RASAL2: variants seen among roughly 807,000 people sequenced by gnomAD.
RASAL2 encodes RAS protein activator like 2, also known as ras GTPase-activating protein nGAP.
A neutral mutation model predicts 128.9 loss-of-function variants in RASAL2; 58 were observed. The observed-to-expected ratio is 0.45, with a 90% CI of 0.36 to 0.56. RASAL2 has a LOEUF of 0.56. RASAL2 is among the 20% of genes least tolerant of loss of function. The pLI, the probability that RASAL2 is intolerant of heterozygous loss-of-function variation, is 0.00. For synonymous variants in RASAL2, 561 were observed against 580.8 expected (o/e 0.97, Z 0.49); for missense variants, 1,360 against 1,601.6 (o/e 0.85, Z 2.57).
At chr1:178,341,913 G>T (rs1363035175) in intron 3 of RASAL2, among the ~76,000 whole-genome samples, 1 of 152,068 alleles carries the variant, frequency 6.6e-6, no homozygotes, top group Non-Finnish European at 1.5e-5. Context: ...TATGAAATGG[G>T]TCCTTATTCT....
intron 1 of RASAL2, among the ~76,000 whole-genome samples, chr1:178,163,071 G>A (rs1016359657): frequency 6.6e-6 from 1 of 151,856 alleles, no homozygotes; most frequent in African/African-American, 2.4e-5. Flanking sequence ...CCTGGTTTCA[G>A]GCAATTCTCC....
At chr1:178,222,222 A>T (rs1663639711) in intron 1 of RASAL2, among the ~76,000 whole-genome samples, 1 of 152,124 alleles carries the variant, frequency 6.6e-6, no homozygotes, top group African/African-American at 2.4e-5. Flanking sequence ...GATTTAGATT[A>T]TCGATGTGTA....
intron 1 of RASAL2, among the ~76,000 whole-genome samples, chr1:178,249,234 G>T (rs186038082): frequency 7.0e-4 from 106 of 151,822 alleles, no homozygotes; most frequent in Non-Finnish European, 2.8e-4. Context: ...GGCTTTGTTC[G>T]TTCCTTTTCA....
chr1:178,456,697 T>G (rs1558005031), intron 12 of RASAL2, 24 bp from the exon 13 acceptor site: 4 of 1,613,248 alleles, frequency 2.5e-6, no homozygotes, highest in Non-Finnish European at 3.4e-6. Context: ...ATTATCCAAT[T>G]AGGGTGAAAA....
At chr1:178,364,929 G>A (rs1671321278) in intron 3 of RASAL2, among the ~76,000 whole-genome samples, 1 of 151,904 alleles carries the variant, frequency 6.6e-6, no homozygotes, top group East Asian at 1.9e-4. Context: ...TAGAAGAATA[G>A]CTTTAGTATT....
Position 178,418,705 on chromosome 1 carries a change from T to C in RASAL2, c.565-1806T>C, listed in dbSNP as rs74512674. ...TAAAACACTGTGGCAGTCTATACTG[T>C]TGTTCACCAAATATTTTCAGTTCCC... On this transcript the variant is annotated intron_variant, in intron 4 of 17. Transcript: ENST00000367649. Among the ~76,000 whole-genome samples the C allele has an allele frequency of 1.8e-3, 274 of 152,350 alleles. 3 individuals are homozygous for C. The highest frequency in any genetic ancestry group is 8.7e-3 in the East Asian group (45 of 5,186).
At position 178,457,976 on chromosome 1, in the gene RASAL2, G is replaced by A. The variant is rs780161922; in HGVS notation, c.2684G>A (p.Ser895Asn). ...ATCAAACAGCTGCGGGAAACCCAGA[G>A]CACTCCCCAAAGTGCACCCCAAGTG... ...ASIKQLRETQ[S>N]TPQSAPQVRR... Residue 895 changes from serine (S) to asparagine (N), a missense_variant, in exon 14 of 18, where the codon AGC becomes AAC. By Grantham distance (46) the Ser-to-Asn change is conservative. Around this residue, in one of 3 missense-constraint regions of RASAL2, gnomAD observed 741 missense variants for 868.6 expected, o/e 0.85. Transcript: ENST00000367649. 1 of 1,614,038 alleles carries A rather than the reference G, an allele frequency of 6.2e-7. No individual in the cohort carries two copies. Among genetic ancestry groups the A allele is most frequent in the South Asian group, 1.1e-5 (1 of 91,082 alleles).
intron 1 of RASAL2, among the ~76,000 whole-genome samples, chr1:178,159,017 CA>C (rs1661181965): frequency 6.6e-6 from 1 of 152,146 alleles, no homozygotes; most frequent in Non-Finnish European, 1.5e-5. Context: ...GCTCAAAATA[CA>C]GTCTTACAGA....
chr1:178,237,211 T>TCC (rs1664291814), intron 1 of RASAL2, among the ~76,000 whole-genome samples: 1 of 152,060 alleles, frequency 6.6e-6, no homozygotes. Flanking sequence ...AAGTTGTGGG[T>TCC]CCTAGGTCTC....
intron 1 of RASAL2, among the ~76,000 whole-genome samples, chr1:178,257,423 A>ATGTGTGTGTG (rs71108037): frequency 0.041 from 5,980 of 147,166 alleles, 353 homozygotes; most frequent in African/African-American, 0.13. Context: ...GCTCAGGGAT[A>ATGTGTGTGTG]TGTGTGTGTG....
In RASAL2 at chr1:178,094,472, C is replaced by T; in HGVS notation, c.-21C>T. The T allele has an allele frequency of 7.2e-6, 11 of 1,532,930 alleles. No homozygotes were observed. Among genetic ancestry groups the T allele is most frequent in the Non-Finnish European group, 7.9e-6 (9 of 1,139,988 alleles). The allele number at this position is 1,532,930 out of a possible 1,614,324, so 95.0% of individuals were successfully genotyped here. Reference sequence around the variant, plus strand: ...CCCGCCCCGAAGCCGCCGCCTCGTCCCCCTCCCGCCTCGGGGCACCATGGA... The same window carrying T: ...CCCGCCCCGAAGCCGCCGCCTCGTCTCCCTCCCGCCTCGGGGCACCATGGA... On this transcript the variant is annotated 5_prime_UTR_variant, in exon 1 of 18. Transcript: ENST00000367649.
intron 1 of RASAL2, among the ~76,000 whole-genome samples, chr1:178,252,626 G>T (rs1665108313): frequency 6.6e-6 from 1 of 152,128 alleles, no homozygotes; most frequent in Non-Finnish European, 1.5e-5. Flanking sequence ...AAATCATTAA[G>T]ATCAGAATAC....
intron 1 of RASAL2, among the ~76,000 whole-genome samples, chr1:178,243,460 C>G (rs1174622963): frequency 6.6e-6 from 1 of 152,062 alleles, no homozygotes; most frequent in Non-Finnish European, 1.5e-5. Flanking sequence ...TTCTGTTATC[C>G]ACCTGGCTAC....
At chr1:178,299,765 G>C (rs1279387853) in intron 2 of RASAL2, among the ~76,000 whole-genome samples, 1 of 152,126 alleles carries the variant, frequency 6.6e-6, no homozygotes, top group Non-Finnish European at 1.5e-5. Context: ...AAAGTGCTGG[G>C]ATTACAGGCG....
rs919860161 is a variant in RASAL2, at chr1:178,124,300, CA to C, written c.202+29607del. 3.5e-4 allele frequency among the ~76,000 whole-genome samples: 53 copies of C among 152,186 alleles called. 1 individual carries two copies. The highest frequency in any genetic ancestry group is 3.4e-3 in the Admixed American group (52 of 15,278). On this transcript the variant is annotated intron_variant, in intron 1 of 17. Transcript: ENST00000367649. ...TCCAGGGGACATTTGACAAAGTCTG[CA>C]GACATTTTTGGTTGTCACAACTGGA... is the stretch of plus-strand genomic sequence containing the variant.
At chr1:178,219,880 C>T (rs949652737) in intron 1 of RASAL2, among the ~76,000 whole-genome samples, 2 of 152,158 alleles carry the variant, frequency 1.3e-5, no homozygotes, top group African/African-American at 2.4e-5. Flanking sequence ...TAAAATGTGA[C>T]CTCCAATGTT....
At chr1:178,271,211 T>G (rs1172651800) in intron 1 of RASAL2, among the ~76,000 whole-genome samples, 1 of 152,214 alleles carries the variant, frequency 6.6e-6, no homozygotes, top group Non-Finnish European at 1.5e-5. Context: ...TGGTTTAAAT[T>G]AGGTTGGTTC....
chr1:178,140,918 G>T (rs969483477), intron 1 of RASAL2, among the ~76,000 whole-genome samples: 2 of 152,212 alleles, frequency 1.3e-5, no homozygotes, highest in Non-Finnish European at 2.9e-5. Flanking sequence ...TGTAGGCTAT[G>T]CAAGCATGGC....
At chr1:178,200,054 C>T (rs375646773) in intron 1 of RASAL2, among the ~76,000 whole-genome samples, 4 of 152,182 alleles carry the variant, frequency 2.6e-5, no homozygotes, top group African/African-American at 4.8e-5. Context: ...AGCTTGCAGA[C>T]GGCCTATTAT....
Sources: allele counts gnomAD v4.1 joint callset (sites outside exome capture counted in the v4.1 genomes callset), GRCh38; gene constraint gnomAD v4.1.1; regional missense constraint gnomAD v4.1.1; transcripts MANE v1.5; gene names NCBI Gene and HGNC (gene_info 2026-07-23, HGNC 2026-07-21).